Variants in EPHA3 observed in about 807,000 individuals in gnomAD.
EPHA3 encodes ephrin type-A receptor 3.
EPHA3 carries 42 observed loss-of-function variants against 107.1 expected under a neutral mutation model. The observed-to-expected ratio is 0.39, with a 90% CI of 0.31 to 0.51. EPHA3 has a LOEUF of 0.51. Among genes scored for constraint, EPHA3 ranks in the 20% least tolerant of loss-of-function variants. EPHA3 has a pLI of 0.78. For synonymous variants in EPHA3, 461 were observed against 424.8 expected (o/e 1.09, Z -1.05); for missense variants, 1,183 against 1,211.2 (o/e 0.98, Z 0.35).
intron 9 of EPHA3, 147 bp downstream of exon 9, chr3:89,408,278 A>G: frequency 1.4e-6 from 1 of 737,062 alleles, no homozygotes; most frequent in East Asian, 2.7e-5. Context: ...ATTTTAGAAA[A>G]AGAGGGAAAT....
intron 2 of EPHA3, among the ~76,000 whole-genome samples, chr3:89,194,260 G>A (rs1705785026): frequency 6.6e-6 from 1 of 151,894 alleles, no homozygotes; most frequent in Non-Finnish European, 1.5e-5. Flanking sequence ...TAAAATTATA[G>A]TAATACTATA....
chr3:89,243,631 G>A (rs1383438548), intron 3 of EPHA3, among the ~76,000 whole-genome samples: 1 of 152,088 alleles, frequency 6.6e-6, no homozygotes, highest in African/African-American at 2.4e-5. Context: ...ATTTGTTTGT[G>A]TTCATTGTAG....
rs746642395 is a variant in EPHA3 at position 89,479,572 on chromosome 3, A to G, written c.*70A>G. 8.3e-6 allele frequency: 10 copies of G among 1,209,600 alleles called. No individual in the cohort carries two copies. Among genetic ancestry groups the G allele is most frequent in the African/African-American group, 1.5e-5 (1 of 67,110 alleles). The allele number at this position is 1,209,600 out of a possible 1,614,324, so 74.9% of individuals were successfully genotyped here. On this transcript the variant is annotated 3_prime_UTR_variant, in exon 17 of 17. Coordinates refer to ENST00000336596, the MANE Select transcript of EPHA3 (RefSeq NM_005233.6). ...AGGCGTAGCATCATCCTGCAGACAG[A>G]CAATAATTCTGGAGATACTGGTGGA...
At chr3:89,457,621 C>T (rs1037828383) in intron 15 of EPHA3, among the ~76,000 whole-genome samples, 36 of 152,166 alleles carry the variant, frequency 2.4e-4, no homozygotes, top group African/African-American at 7.5e-4. Context: ...GGGACCGCTG[C>T]GATAGATGAT....
intron 11 of EPHA3, among the ~76,000 whole-genome samples, chr3:89,421,814 CA>C: frequency 6.6e-6 from 1 of 150,484 alleles, no homozygotes; most frequent in East Asian, 2.0e-4. Flanking sequence ...GGTAGACTGA[CA>C]AATCTATGAA....
chr3:89,257,821 T>A, intron 3 of EPHA3, among the ~76,000 whole-genome samples: 1 of 151,840 alleles, frequency 6.6e-6, no homozygotes, highest in Non-Finnish European at 1.5e-5. Flanking sequence ...ATGCATTATA[T>A]TTCACCAACC....
At chr3:89,229,650 C>A (rs1305986574) in intron 3 of EPHA3, among the ~76,000 whole-genome samples, 2 of 151,408 alleles carry the variant, frequency 1.3e-5, no homozygotes, top group African/African-American at 4.8e-5. Flanking sequence ...AATAAATAAA[C>A]TATTAAGTTC....
intron 3 of EPHA3, among the ~76,000 whole-genome samples, chr3:89,223,886 A>T (rs1190492055): frequency 6.6e-6 from 1 of 152,172 alleles, no homozygotes; most frequent in East Asian, 1.9e-4. Flanking sequence ...TTAAGTTAAA[A>T]AATAAAGCTT....
intron 3 of EPHA3, among the ~76,000 whole-genome samples, chr3:89,267,270 G>A (rs1448364216): frequency 6.6e-5 from 10 of 151,992 alleles, no homozygotes; most frequent in South Asian, 2.1e-4. Context: ...TTAAGATGGC[G>A]GACATCCTTA....
At chr3:89,240,780 A>G (rs1359248296) in intron 3 of EPHA3, among the ~76,000 whole-genome samples, 1 of 152,122 alleles carries the variant, frequency 6.6e-6, no homozygotes, top group African/African-American at 2.4e-5. Flanking sequence ...TTTGTTACCA[A>G]TAAAAATAAC....
At chr3:89,357,545 T>C (rs1342733035) in intron 5 of EPHA3, among the ~76,000 whole-genome samples, 1 of 151,270 alleles carries the variant, frequency 6.6e-6, no homozygotes, top group Non-Finnish European at 1.5e-5. Flanking sequence ...TTTGTCCACC[T>C]AAGGAGGGCA....
intron 2 of EPHA3, among the ~76,000 whole-genome samples, chr3:89,160,589 T>G (rs7652752): frequency 0.3 from 43,143 of 144,774 alleles, 6,680 homozygotes; most frequent in Middle Eastern, 0.38. Flanking sequence ...TGTGTGTGTG[T>G]GCGCGCATTC....
chr3:89,139,923 G>T (rs1241310870), intron 2 of EPHA3, among the ~76,000 whole-genome samples: 1 of 151,792 alleles, frequency 6.6e-6, no homozygotes, highest in Non-Finnish European at 1.5e-5. Context: ...ATGCATTGCA[G>T]CAGCACCCAA....
At chr3:89,202,528 AAAAAAAAT>A (rs1293145071) in intron 2 of EPHA3, among the ~76,000 whole-genome samples, 124 of 34,184 alleles carry the variant, frequency 3.6e-3, no homozygotes, top group African/African-American at 4.2e-3. Context: ...AAAAAAAAAA[AAAAAAAAT>A]ATATATATAT....
At chr3:89,308,920 C>T (rs1258599134) in intron 3 of EPHA3, among the ~76,000 whole-genome samples, 5 of 152,082 alleles carry the variant, frequency 3.3e-5, no homozygotes, top group Admixed American at 6.6e-5. Flanking sequence ...TCTTAGACTA[C>T]TTTTCCATTA....
At chr3:89,472,333 G>A (rs1710418463) in intron 15 of EPHA3, 131 bp from the exon 16 acceptor site, 1 of 1,002,748 alleles carries the variant, frequency 1.0e-6, no homozygotes, top group Non-Finnish European at 1.5e-6. Flanking sequence ...TTTCATGGCA[G>A]ATAAATTCCA....
chr3:89,345,984 A>C (rs1233511946), intron 5 of EPHA3, among the ~76,000 whole-genome samples: 3 of 146,960 alleles, frequency 2.0e-5, no homozygotes, highest in Non-Finnish European at 1.5e-5. Context: ...TCCATGGTGT[A>C]TATGTGCCAC....
intron 3 of EPHA3, among the ~76,000 whole-genome samples, chr3:89,260,186 G>A (rs1705381828): frequency 1.3e-5 from 2 of 152,130 alleles, no homozygotes; most frequent in Non-Finnish European, 2.9e-5. Context: ...TCTCCTTTTG[G>A]TATATACCCA....
At chr3:89,373,155 T>G (rs1047807582) in intron 5 of EPHA3, among the ~76,000 whole-genome samples, 2 of 151,904 alleles carry the variant, frequency 1.3e-5, no homozygotes, top group Non-Finnish European at 2.9e-5. Flanking sequence ...TAAAATTAAT[T>G]TCAAGTCTTT....
Sources: gnomAD v4.1 joint callset for allele counts (sites outside exome capture counted in the v4.1 genomes callset) on GRCh38, gnomAD v4.1.1 for gene constraint, MANE v1.5 for transcripts, NCBI Gene and HGNC (gene_info 2026-07-23, HGNC 2026-07-21) for gene names.